Variants in ALK observed in about 807,000 individuals in gnomAD.
The protein encoded by ALK is ALK tyrosine kinase receptor.
In ALK, 74 loss-of-function variants were observed where a neutral mutation model predicts 163.1. The observed-to-expected ratio is 0.45, with a 90% CI of 0.38 to 0.55. The LOEUF (loss-of-function observed/expected upper bound fraction) is 0.55, where lower values mean the gene tolerates loss of function less well. Ranked by LOEUF, ALK falls within the 20% of genes least tolerant of loss-of-function variation. The pLI is 0.00. For missense variants in ALK, 2,063 were observed against 2,105.3 expected, an observed-to-expected ratio of 0.98 and a Z score of 0.39; for synonymous variants, 960 against 843.2, an observed-to-expected ratio of 1.14 and a Z score of -2.40.
chr2:29,492,639 C>T (rs1671929560), intron 4 of ALK, among the ~76,000 whole-genome samples: 1 of 152,104 alleles, frequency 6.6e-6, no homozygotes, highest in Admixed American at 6.6e-5. Context: ...AAGAAAAAAG[C>T]CAAGAATATG....
At chr2:29,360,692 G>A (rs993488435) in intron 5 of ALK, among the ~76,000 whole-genome samples, 5 of 152,196 alleles carry the variant, frequency 3.3e-5, no homozygotes, top group Admixed American at 6.5e-5. Flanking sequence ...ACTAGGAATT[G>A]TGGTGAAGCA....
At chr2:29,339,700 G>C (rs1305018156) in intron 5 of ALK, among the ~76,000 whole-genome samples, 1 of 152,198 alleles carries the variant, frequency 6.6e-6, no homozygotes, top group Non-Finnish European at 1.5e-5. Context: ...CATAGAGATG[G>C]AGGGAGGTGA....
chr2:29,316,331 T>C (rs1666835393), intron 8 of ALK, among the ~76,000 whole-genome samples: 1 of 152,156 alleles, frequency 6.6e-6, no homozygotes, highest in Admixed American at 6.5e-5. Context: ...GAGTGTGGAA[T>C]GGACTTATTC....
At chr2:29,753,332 G>A (rs370929959) in intron 1 of ALK, among the ~76,000 whole-genome samples, 5 of 152,314 alleles carry the variant, frequency 3.3e-5, no homozygotes, top group South Asian at 2.1e-4. Context: ...CGGAGGCTCC[G>A]CACTTTCATG....
At chr2:29,213,925 CG>C in intron 24 of ALK, 58 bp downstream of exon 24, 2 of 1,430,450 alleles carry the variant, frequency 1.4e-6, no homozygotes, top group Non-Finnish European at 2.0e-6. Flanking sequence ...TTGAGATCTG[CG>C]GGGAAGCACA....
chr2:29,464,688 T>C (rs919012042), intron 4 of ALK, among the ~76,000 whole-genome samples: 21 of 152,148 alleles, frequency 1.4e-4, no homozygotes, highest in South Asian at 6.2e-4. Context: ...CATTTGGTAA[T>C]GTGAGGACGT....
intron 1 of ALK, chr2:29,890,592 A>G (rs1667117401): frequency 1.3e-5 from 2 of 152,234 alleles, no homozygotes; most frequent in Admixed American, 6.5e-5. Context: ...ATCTATTTGA[A>G]TGATGTTAAA....
At chr2:29,244,394 C>T (rs941972837) in intron 12 of ALK, among the ~76,000 whole-genome samples, 7 of 152,136 alleles carry the variant, frequency 4.6e-5, no homozygotes, top group Non-Finnish European at 1.0e-4. Context: ...GATTTCTGAT[C>T]AGGTATATAG....
At chr2:29,336,523 T>G (rs891701427) in intron 5 of ALK, among the ~76,000 whole-genome samples, 1 of 152,202 alleles carries the variant, frequency 6.6e-6, no homozygotes, top group Admixed American at 6.5e-5. Flanking sequence ...TTAGTTCAGA[T>G]TTGCACTGGA....
chr2:29,736,523 A>T (rs1679897030), intron 1 of ALK, among the ~76,000 whole-genome samples: 1 of 152,076 alleles, frequency 6.6e-6, no homozygotes, highest in Admixed American at 6.5e-5. Flanking sequence ...AAACAAGGGA[A>T]CAAGTTTAAT....
chr2:29,676,180 G>A (rs1017383648), intron 3 of ALK, among the ~76,000 whole-genome samples: 3 of 151,868 alleles, frequency 2.0e-5, no homozygotes, highest in Non-Finnish European at 4.4e-5. Flanking sequence ...GTGTCTTTTA[G>A]AACACAAAAG....
intron 1 of ALK, among the ~76,000 whole-genome samples, chr2:29,856,730 A>C (rs1253006901): frequency 6.6e-6 from 1 of 152,220 alleles, no homozygotes; most frequent in Non-Finnish European, 1.5e-5. Flanking sequence ...ACAGAGTTTC[A>C]ATTAGTGGAG....
chr2:29,507,954 C>T (rs1475975814), intron 4 of ALK, among the ~76,000 whole-genome samples: 1 of 152,182 alleles, frequency 6.6e-6, no homozygotes, highest in Non-Finnish European at 1.5e-5. Context: ...AGTGAATTCA[C>T]ACCAATCACT....
chr2:29,440,999 C>T lies in ALK; in HGVS notation c.1155-57140G>A, dbSNP rs952523580. Among the ~76,000 whole-genome samples, 8 of 152,192 alleles carry T rather than the reference C, an allele frequency of 5.3e-5. No homozygotes were observed. The South Asian group carries it at 8.3e-4, about 16-fold the overall frequency. The stretch of plus-strand genomic sequence containing the variant: ...TCCAGGCTCTGGCTGGCCAAGTCTC[C>T]GGCTTCAATAGCCAACTTGGACTTG... On this transcript the variant is annotated intron_variant, in intron 4 of 28. Coordinates refer to ENST00000389048, the MANE Select transcript of ALK (RefSeq NM_004304.5).
At chr2:29,456,872 A>G (rs1338824115) in intron 4 of ALK, among the ~76,000 whole-genome samples, 2 of 152,128 alleles carry the variant, frequency 1.3e-5, no homozygotes, top group Non-Finnish European at 2.9e-5. Context: ...CTTTACAGAG[A>G]ATATACAATT....
At chr2:29,595,316 T>C (rs1340310969) in intron 3 of ALK, among the ~76,000 whole-genome samples, 1 of 147,432 alleles carries the variant, frequency 6.8e-6, no homozygotes, top group Admixed American at 6.7e-5. Context: ...GCTGTCTTAC[T>C]GGATTTTTTT....
intron 4 of ALK, among the ~76,000 whole-genome samples, chr2:29,396,238 T>C (rs1573315953): frequency 1.3e-5 from 2 of 152,170 alleles, no homozygotes; most frequent in South Asian, 2.1e-4. Flanking sequence ...GCAGGCTTGA[T>C]AGATGTTAAG....
intron 4 of ALK, among the ~76,000 whole-genome samples, chr2:29,464,174 G>A (rs1671151581): frequency 6.6e-6 from 1 of 151,990 alleles, no homozygotes; most frequent in South Asian, 2.1e-4. Flanking sequence ...AAGTTACCAG[G>A]CATTCAAAAA....
chr2:29,550,705 C>T (rs1023126713), intron 3 of ALK, among the ~76,000 whole-genome samples: 1 of 152,124 alleles, frequency 6.6e-6, no homozygotes, highest in African/African-American at 2.4e-5. Flanking sequence ...AATACTTTCC[C>T]AGGAAAATTA....
Sources: allele counts gnomAD v4.1 joint callset (sites outside exome capture counted in the v4.1 genomes callset), GRCh38; gene constraint gnomAD v4.1.1; transcripts MANE v1.5; gene names NCBI Gene and HGNC (gene_info 2026-07-23, HGNC 2026-07-21).